Variants in KLC1 observed in about 807,000 individuals in gnomAD.
KLC1 encodes kinesin light chain 1.
A neutral mutation model predicts 84.2 loss-of-function variants in KLC1; 30 were observed. That is an observed-to-expected ratio of 0.36 (90% CI 0.27 to 0.48). KLC1 has a LOEUF of 0.48. KLC1 is among the 20% of genes least tolerant of loss of function. KLC1 has a pLI of 0.99. For missense variants in KLC1, 499 were observed against 805.4 expected (o/e 0.62, Z 4.60); for synonymous variants, 289 against 293.3 (o/e 0.99, Z 0.15).
intron 1 of KLC1, among the ~76,000 whole-genome samples, chr14:103,651,557 C>T (rs1402620697): frequency 1.3e-5 from 2 of 152,124 alleles, no homozygotes; most frequent in East Asian, 1.9e-4. Flanking sequence ...TGAGAGGTAT[C>T]GAGTCTAAAT....
At chr14:103,636,216 ATACTT>A (rs2077034020) in intron 1 of KLC1, among the ~76,000 whole-genome samples, 1 of 151,818 alleles carries the variant, frequency 6.6e-6, no homozygotes, top group Non-Finnish European at 1.5e-5. Flanking sequence ...ACTACTTTCA[ATACTT>A]TATTTTTTAT....
chr14:103,699,637 C>A, intron 15 of KLC1: 1 of 1,563,430 alleles, frequency 6.4e-7, no homozygotes, highest in Non-Finnish European at 8.8e-7. Context: ...GGTGACCAGA[C>A]CCCGTTTGGA....
At chr14:103,653,860 G>A (rs1412543404) in intron 1 of KLC1, among the ~76,000 whole-genome samples, 1 of 152,214 alleles carries the variant, frequency 6.6e-6, no homozygotes, top group Non-Finnish European at 1.5e-5. Context: ...CCATTGCTCA[G>A]TGACAGCGGC....
At chr14:103,684,420 A>G (rs1362520379) in intron 13 of KLC1, among the ~76,000 whole-genome samples, 1 of 152,200 alleles carries the variant, frequency 6.6e-6, no homozygotes, top group African/African-American at 2.4e-5. Context: ...CAGGCCCTGA[A>G]GTCCAGTTGA....
At chr14:103,647,354 G>A (rs1243649686) in intron 1 of KLC1, among the ~76,000 whole-genome samples, 1 of 151,896 alleles carries the variant, frequency 6.6e-6, no homozygotes, top group Non-Finnish European at 1.5e-5. Flanking sequence ...CTCCTGAGTA[G>A]CTGAGACTAC....
At chr14:103,680,438 G>A (rs2081260304) in intron 13 of KLC1, among the ~76,000 whole-genome samples, 1 of 152,130 alleles carries the variant, frequency 6.6e-6, no homozygotes, top group East Asian at 1.9e-4. Context: ...CTGCCAAATT[G>A]TAGTTTTGGG....
At chr14:103,680,156 C>T (rs1285447957) in intron 13 of KLC1, among the ~76,000 whole-genome samples, 1 of 152,200 alleles carries the variant, frequency 6.6e-6, no homozygotes, top group Non-Finnish European at 1.5e-5. Context: ...ACAGGGCCCC[C>T]TCTGGGTTTT....
intron 13 of KLC1, 96 bp from the exon 14 acceptor site, chr14:103,686,985 G>A (rs2081816121): frequency 1.1e-6 from 1 of 878,686 alleles, no homozygotes; most frequent in African/African-American, 1.7e-5. Context: ...GGCAAGCAGG[G>A]CGGCCTTGGT....
At chr14:103,695,523 TTGTGG>T in intron 15 of KLC1, 1 of 985,250 alleles carries the variant, frequency 1.0e-6, no homozygotes, top group South Asian at 4.7e-5. Flanking sequence ...GGAGCTTCCC[TTGTGG>T]TGGGGGTGCC....
Position 103,634,237 on chromosome 14 carries a change from C to T in KLC1, c.-2+4743C>T, listed in dbSNP as rs145387840. On this transcript the variant is annotated intron_variant, in intron 1 of 16. Transcript: ENST00000334553. ...CTCCACTTAACATTCATAACCTCCA[C>T]AAGGATGGGGAGTTTTGTCTCTTGT... Among the ~76,000 whole-genome samples the T allele has an allele frequency of 3.3e-5, 5 of 152,210 alleles. No homozygotes were observed. In the East Asian group the frequency reaches 9.7e-4, roughly 29 times the overall value.
chr14:103,652,497 C>CT lies in KLC1; in HGVS notation c.-1-2055dup, dbSNP rs988829999. On this transcript the variant is annotated intron_variant, in intron 1 of 16. Transcript: ENST00000334553. Reference sequence around the variant, plus strand: ...GTCAGGTAGAGGAGTGGCCTTTGTTCTTTTTTTTTTTTGAGACAGAATCTT... The same window carrying CT: ...GTCAGGTAGAGGAGTGGCCTTTGTTCTTTTTTTTTTTTTGAGACAGAATCTT... Among the ~76,000 whole-genome samples, 859 of 145,424 alleles carry CT rather than the reference C, an allele frequency of 5.9e-3. 25 individuals carry two copies. The highest frequency in any genetic ancestry group is 0.045 in the Admixed American group (654 of 14,496).
At chr14:103,686,145 G>A (rs1434391701) in intron 13 of KLC1, 1 of 989,260 alleles carries the variant, frequency 1.0e-6, no homozygotes, top group Non-Finnish European at 1.2e-6. Flanking sequence ...TGGGCATTCT[G>A]CTTTTCTCTA....
rs1218154591 is a variant in KLC1, at chr14:103,670,232, G to A, written c.936G>A (p.Lys312=). ...NLAVLYGKRG[K]YKEAEPLCKR... is the part of the protein sequence containing the mutation. ...CAGTCCTTTATGGTAAAAGAGGGAA[G>A]TACAAAGAAGCAGAGCCGTTGTGTA... The change falls in exon 7 of 17, where the codon AAG becomes AAA. Residue 312 remains lysine (K), a synonymous_variant. Coordinates refer to ENST00000334553, the MANE Select transcript of KLC1 (RefSeq NM_001394837.1). 21 of 1,612,866 alleles carry A rather than the reference G, an allele frequency of 1.3e-5. No individual in the cohort carries two copies. Among genetic ancestry groups the A allele is most frequent in the Non-Finnish European group, 1.8e-5 (21 of 1,179,286 alleles).
intron 1 of KLC1, among the ~76,000 whole-genome samples, chr14:103,635,314 C>T (rs1275514101): frequency 6.6e-6 from 1 of 152,172 alleles, no homozygotes; most frequent in African/African-American, 2.4e-5. Flanking sequence ...GTGATGTTTG[C>T]ACTGTTCCAG....
intron 1 of KLC1, among the ~76,000 whole-genome samples, chr14:103,641,564 A>G (rs979008709): frequency 6.6e-5 from 10 of 152,138 alleles, no homozygotes; most frequent in Non-Finnish European, 1.5e-4. Flanking sequence ...TGGTGAAAAG[A>G]GTGTGAGAGA....
rs3212099 is a variant in KLC1, at chr14:103,701,083, C to A, written c.*2-118C>A. On this transcript the variant is annotated intron_variant, in intron 16 of 16. Coordinates refer to ENST00000334553, the MANE Select transcript of KLC1 (RefSeq NM_001394837.1). ...CCAGGGAGGCTCACAACCAGCAACA[C>A]CCTCTTCTCTAGGCAGACTTGGGGT... is the stretch of plus-strand genomic sequence containing the variant. 516 of 1,287,694 alleles carry A rather than the reference C, an allele frequency of 4.0e-4. 6 individuals carry two copies. The African/African-American group carries it at 4.8e-3, about 12-fold the overall frequency. 79.8% of individuals were successfully genotyped at this position (1,287,694 alleles called of 1,614,324 possible).
At chr14:103,651,460 T>A (rs2078436568) in intron 1 of KLC1, among the ~76,000 whole-genome samples, 1 of 152,182 alleles carries the variant, frequency 6.6e-6, no homozygotes, top group South Asian at 2.1e-4. Flanking sequence ...AGTTTAACTT[T>A]ATTTTATTTT....
intron 1 of KLC1, among the ~76,000 whole-genome samples, chr14:103,642,725 C>T (rs2077584263): frequency 1.3e-5 from 2 of 151,028 alleles, no homozygotes; most frequent in Admixed American, 1.3e-4. Context: ...AAAGCTGGAA[C>T]AACTTGAACA....
chr14:103,643,951 C>T (rs370568993), intron 1 of KLC1, among the ~76,000 whole-genome samples: 86 of 152,136 alleles, frequency 5.7e-4, no homozygotes, highest in African/African-American at 1.9e-3. Flanking sequence ...CACGGTGGCT[C>T]ACGCCTGTAA....
Sources: gnomAD v4.1 joint callset for allele counts (sites outside exome capture counted in the v4.1 genomes callset) on GRCh38, gnomAD v4.1.1 for gene constraint, MANE v1.5 for transcripts, NCBI Gene and HGNC (gene_info 2026-07-23, HGNC 2026-07-21) for gene names.